PLCB4: variants seen among roughly 807,000 people sequenced by gnomAD.
The protein encoded by PLCB4 is 1-phosphatidylinositol 4,5-bisphosphate phosphodiesterase beta-4.
Under a neutral mutation model 178.8 loss-of-function variants are expected in PLCB4, and 77 were observed. The ratio of observed to expected loss-of-function variants is 0.43; its 90% CI spans 0.36 to 0.52. PLCB4 has a LOEUF of 0.52. PLCB4 is among the 20% of genes least tolerant of loss of function. The probability of loss-of-function intolerance (pLI) is 0.00; values close to 1 mark genes in which losing one functional copy is unlikely to be tolerated. For missense variants in PLCB4, 1,024 were observed against 1,453.4 expected, an observed-to-expected ratio of 0.70 and a Z score of 4.80; for synonymous variants, 496 against 490.8, an observed-to-expected ratio of 1.01 and a Z score of -0.14.
At chr20:9,344,692 A>T (rs2033614054) in intron 7 of PLCB4, among the ~76,000 whole-genome samples, 1 of 152,138 alleles carries the variant, frequency 6.6e-6, no homozygotes, top group African/African-American at 2.4e-5. Context: ...GAAAGACAGA[A>T]CTCTGGGATC....
At chr20:9,260,380 G>A (rs1276636699) in intron 3 of PLCB4, among the ~76,000 whole-genome samples, 3 of 152,066 alleles carry the variant, frequency 2.0e-5, no homozygotes, top group Admixed American at 1.3e-4. Context: ...GATATCTTGT[G>A]TAGTTTTTTG....
chr20:9,390,468 G>A lies in PLCB4; in HGVS notation c.1239-63G>A, dbSNP rs533973211. 1.6e-5 allele frequency: 12 copies of A among 767,676 alleles called. No homozygotes were observed. In the East Asian group the frequency reaches 2.5e-4, roughly 16 times the overall value. The allele number at this position is 767,676 out of a possible 1,614,324, so 47.6% of individuals were successfully genotyped here. Reference sequence around the variant, plus strand: ...AATCTTTAATTGCCTAGTAATGGGTGTTTCTTATTCTTGGACGGTTAATGG... The same window carrying A: ...AATCTTTAATTGCCTAGTAATGGGTATTTCTTATTCTTGGACGGTTAATGG... On this transcript the variant is annotated intron_variant, in intron 16 of 39. Transcript: ENST00000378473.
chr20:9,407,000 T>C (rs1312365030), intron 21 of PLCB4, among the ~76,000 whole-genome samples: 1 of 152,248 alleles, frequency 6.6e-6, no homozygotes, highest in Non-Finnish European at 1.5e-5. Flanking sequence ...TGCAAAGTAA[T>C]GCAGTTTCAA....
chr20:9,453,840 C>G (rs547115323), intron 33 of PLCB4, among the ~76,000 whole-genome samples: 5 of 152,170 alleles, frequency 3.3e-5, no homozygotes, highest in Non-Finnish European at 5.9e-5. Flanking sequence ...TTCCAAAATA[C>G]TACAGAGTTC....
At chr20:9,366,048 G>A (rs904115688) in intron 9 of PLCB4, among the ~76,000 whole-genome samples, 4 of 152,064 alleles carry the variant, frequency 2.6e-5, no homozygotes, top group African/African-American at 7.2e-5. Context: ...ACTCTGTGGA[G>A]CTATCCTTTC....
intron 2 of PLCB4, among the ~76,000 whole-genome samples, chr20:9,194,765 A>G (rs1373468373): frequency 6.6e-6 from 1 of 152,124 alleles, no homozygotes; most frequent in Non-Finnish European, 1.5e-5. Context: ...GCATCTGTAA[A>G]ATTGTATCTC....
intron 2 of PLCB4, among the ~76,000 whole-genome samples, chr20:9,167,943 G>A (rs1044559379): frequency 2.0e-5 from 3 of 152,038 alleles, no homozygotes; most frequent in Non-Finnish European, 4.4e-5. Context: ...ACTTATTTTC[G>A]ACAGATTTAT....
intron 2 of PLCB4, among the ~76,000 whole-genome samples, chr20:9,144,220 A>G (rs1002419760): frequency 4.6e-5 from 7 of 152,112 alleles, no homozygotes; most frequent in African/African-American, 1.7e-4. Context: ...GCTGGGCTGT[A>G]CCACATCTTT....
intron 2 of PLCB4, among the ~76,000 whole-genome samples, chr20:9,128,620 A>G (rs12624848): frequency 0.15 from 22,572 of 152,052 alleles, 1,729 homozygotes; most frequent in Middle Eastern, 0.19. Context: ...CTTGACCTCA[A>G]GTGATCCACC....
At chr20:9,274,760 A>G (rs1378974843) in intron 3 of PLCB4, among the ~76,000 whole-genome samples, 1 of 152,084 alleles carries the variant, frequency 6.6e-6, no homozygotes, top group African/African-American at 2.4e-5. Context: ...TCTAGAGAGC[A>G]GATAAAGATA....
intron 6 of PLCB4, 123 bp from the exon 7 acceptor site, chr20:9,338,771 A>T: frequency 1.5e-6 from 1 of 679,228 alleles, no homozygotes; most frequent in South Asian, 1.9e-5. Flanking sequence ...TTTTAGAATA[A>T]TGCTAGGTGT....
chr20:9,267,376 A>G (rs771174532), intron 3 of PLCB4, among the ~76,000 whole-genome samples: 1 of 152,178 alleles, frequency 6.6e-6, no homozygotes, highest in Non-Finnish European at 1.5e-5. Context: ...AAAAATTCCT[A>G]AAGCTAGGAA....
intron 3 of PLCB4, among the ~76,000 whole-genome samples, chr20:9,241,427 C>G (rs1363272724): frequency 6.6e-6 from 1 of 151,462 alleles, no homozygotes; most frequent in African/African-American, 2.4e-5. Flanking sequence ...CACTCACTCA[C>G]TCCAAACCAC....
intron 3 of PLCB4, among the ~76,000 whole-genome samples, chr20:9,300,519 G>C (rs1046660687): frequency 1.3e-5 from 2 of 152,130 alleles, no homozygotes; most frequent in East Asian, 3.9e-4. Flanking sequence ...TTTGGCTTCG[G>C]GGGAGCTGCA....
chr20:9,301,759 A>G (rs927795580), intron 3 of PLCB4, among the ~76,000 whole-genome samples: 4 of 152,036 alleles, frequency 2.6e-5, no homozygotes, highest in African/African-American at 9.7e-5. Flanking sequence ...TTGCTCTGGA[A>G]CAAGACCTTC....
intron 2 of PLCB4, among the ~76,000 whole-genome samples, chr20:9,205,196 C>T (rs1404962521): frequency 2.0e-5 from 3 of 152,180 alleles, no homozygotes; most frequent in South Asian, 2.1e-4. Context: ...TGTGTGACTG[C>T]GAGGGTAAAC....
chr20:9,186,823 G>A (rs1269154007), intron 2 of PLCB4, among the ~76,000 whole-genome samples: 1 of 152,032 alleles, frequency 6.6e-6, no homozygotes, highest in African/African-American at 2.4e-5. Context: ...GCTGCCTCCT[G>A]AAGGTACAGG....
At chr20:9,376,431 A>G (rs976946452) in intron 12 of PLCB4, among the ~76,000 whole-genome samples, 2 of 152,210 alleles carry the variant, frequency 1.3e-5, no homozygotes, top group African/African-American at 4.8e-5. Context: ...ATTTAGCCAT[A>G]GGAATCCACC....
chr20:9,084,442 C>T (rs766285541), intron 1 of PLCB4, among the ~76,000 whole-genome samples: 1 of 152,044 alleles, frequency 6.6e-6, no homozygotes, highest in Non-Finnish European at 1.5e-5. Context: ...GTTTTCTTAA[C>T]ATATTAACAG....
Sources: allele counts gnomAD v4.1 joint callset (sites outside exome capture counted in the v4.1 genomes callset), GRCh38; gene constraint gnomAD v4.1.1; transcripts MANE v1.5; gene names NCBI Gene and HGNC (gene_info 2026-07-23, HGNC 2026-07-21).